Variants in WDR70 observed in about 807,000 individuals in gnomAD.
The protein encoded by WDR70 is WD repeat domain 70, also known as WD repeat-containing protein 70.
Under a neutral mutation model 88.6 loss-of-function variants are expected in WDR70, and 53 were observed. The observed-to-expected ratio is 0.60, with a 90% CI of 0.48 to 0.75. The LOEUF (loss-of-function observed/expected upper bound fraction) is 0.75, where lower values mean the gene tolerates loss of function less well. WDR70 is among the 30% of genes least tolerant of loss of function. The pLI is 0.00. For synonymous variants in WDR70, 280 were observed against 270.0 expected, an observed-to-expected ratio of 1.04 and a Z score of -0.36; for missense variants, 610 against 823.2, an observed-to-expected ratio of 0.74 and a Z score of 3.17.
intron 7 of WDR70, among the ~76,000 whole-genome samples, chr5:37,464,194 A>G (rs1739092519): frequency 6.6e-6 from 1 of 152,206 alleles, no homozygotes; most frequent in African/African-American, 2.4e-5. Flanking sequence ...TGGTTACTGG[A>G]GAAAATTACA....
At chr5:37,658,496 T>C (rs1431966690) in intron 10 of WDR70, among the ~76,000 whole-genome samples, 2 of 152,146 alleles carry the variant, frequency 1.3e-5, no homozygotes, top group Non-Finnish European at 2.9e-5. Flanking sequence ...AGAATATGCG[T>C]TGCCTCTTTC....
intron 10 of WDR70, among the ~76,000 whole-genome samples, chr5:37,674,150 G>T (rs745935129): frequency 5.9e-5 from 9 of 152,010 alleles, no homozygotes; most frequent in Non-Finnish European, 1.3e-4. Flanking sequence ...GGGATTGATG[G>T]GTCAAATGGT....
At chr5:37,495,464 CTT>C (rs1230494360) in intron 8 of WDR70, among the ~76,000 whole-genome samples, 1 of 151,818 alleles carries the variant, frequency 6.6e-6, no homozygotes, top group Non-Finnish European at 1.5e-5. Context: ...CTCTCTCTCT[CTT>C]TCTCTCTCTC....
At chr5:37,675,765 G>A (rs1277317899) in intron 10 of WDR70, among the ~76,000 whole-genome samples, 1 of 152,074 alleles carries the variant, frequency 6.6e-6, no homozygotes, top group Non-Finnish European at 1.5e-5. Flanking sequence ...TTCCAATTCT[G>A]TGAAGAAAGT....
chr5:37,721,236 G>GT (rs769467450), intron 14 of WDR70, 21 bp downstream of exon 14: 369 of 1,603,100 alleles, frequency 2.3e-4, no homozygotes, highest in Non-Finnish European at 3.0e-4. Flanking sequence ...AGTATTGCCT[G>GT]TTTTAGATGG....
At chr5:37,463,510 A>G (rs1339042667) in intron 7 of WDR70, among the ~76,000 whole-genome samples, 2 of 152,132 alleles carry the variant, frequency 1.3e-5, no homozygotes, top group African/African-American at 4.8e-5. Flanking sequence ...ACTTAAAAGG[A>G]TCCTCAATCT....
At chr5:37,541,523 T>G (rs1347837468) in intron 9 of WDR70, among the ~76,000 whole-genome samples, 2 of 152,228 alleles carry the variant, frequency 1.3e-5, no homozygotes, top group Non-Finnish European at 2.9e-5. Context: ...TGTGAAATGT[T>G]TATCTGTGCA....
intron 10 of WDR70, among the ~76,000 whole-genome samples, chr5:37,635,613 C>G (rs1744940114): frequency 6.6e-6 from 1 of 151,798 alleles, no homozygotes; most frequent in Non-Finnish European, 1.5e-5. Context: ...ACAACTGAAT[C>G]TCAGTGAGAA....
At chr5:37,665,221 GTTC>G (rs1745802297) in intron 10 of WDR70, among the ~76,000 whole-genome samples, 1 of 152,068 alleles carries the variant, frequency 6.6e-6, no homozygotes, top group African/African-American at 2.4e-5. Context: ...TACCTCTTCA[GTTC>G]TTCTTTCCAT....
At chr5:37,623,179 T>G (rs1744564090) in intron 10 of WDR70, among the ~76,000 whole-genome samples, 2 of 152,268 alleles carry the variant, frequency 1.3e-5, no homozygotes, top group Middle Eastern at 3.4e-3. Context: ...CACTATGAGA[T>G]TCACTGCTAT....
intron 5 of WDR70, among the ~76,000 whole-genome samples, chr5:37,437,571 A>T (rs938225859): frequency 7.2e-5 from 11 of 152,200 alleles, no homozygotes; most frequent in African/African-American, 2.6e-4. Context: ...ATAAATTTCT[A>T]GTTTTTCTTT....
intron 7 of WDR70, among the ~76,000 whole-genome samples, chr5:37,461,721 G>A (rs1739011577): frequency 6.8e-6 from 1 of 146,020 alleles, no homozygotes; most frequent in African/African-American, 2.4e-5. Context: ...CTGACCTCAT[G>A]ATCTGCCTGC....
intron 9 of WDR70, among the ~76,000 whole-genome samples, chr5:37,528,437 C>G (rs554449084): frequency 6.6e-6 from 1 of 152,092 alleles, no homozygotes; most frequent in East Asian, 1.9e-4. Context: ...AATGAGAACC[C>G]TTGGACACAG....
At chr5:37,572,892 A>T (rs752388714) in intron 9 of WDR70, among the ~76,000 whole-genome samples, 1 of 152,150 alleles carries the variant, frequency 6.6e-6, no homozygotes, top group African/African-American at 2.4e-5. Context: ...TTCCCACATC[A>T]TCTTGCATAA....
chr5:37,465,800 C>CT (rs138421248), intron 7 of WDR70, among the ~76,000 whole-genome samples: 4 of 142,882 alleles, frequency 2.8e-5, no homozygotes, highest in African/African-American at 5.1e-5. Context: ...AATTTCTAAA[C>CT]TTTTTTTTTT....
chr5:37,599,788 G>A (rs1321642293), intron 9 of WDR70, among the ~76,000 whole-genome samples: 1 of 151,996 alleles, frequency 6.6e-6, no homozygotes, highest in East Asian at 1.9e-4. Context: ...AGCTACTCAA[G>A]GGGCTGACAC....
intron 10 of WDR70, among the ~76,000 whole-genome samples, chr5:37,615,425 T>C (rs1440086306): frequency 6.6e-6 from 1 of 152,074 alleles, no homozygotes; most frequent in Non-Finnish European, 1.5e-5. Context: ...GGGAATACAA[T>C]AGGAAACATG....
intron 10 of WDR70, among the ~76,000 whole-genome samples, chr5:37,655,407 C>T (rs1408219613): frequency 7.2e-5 from 11 of 152,034 alleles, no homozygotes; most frequent in East Asian, 3.9e-4. Context: ...GTGAATCTAA[C>T]GATTATGTGT....
At chr5:37,428,386 T>G (rs1750199931) in intron 5 of WDR70, among the ~76,000 whole-genome samples, 1 of 152,220 alleles carries the variant, frequency 6.6e-6, no homozygotes, top group South Asian at 2.1e-4. Flanking sequence ...TTAGAACATT[T>G]CCAAAAATGT....
Sources: allele counts gnomAD v4.1 joint callset (sites outside exome capture counted in the v4.1 genomes callset), GRCh38; gene constraint gnomAD v4.1.1; transcripts MANE v1.5; gene names NCBI Gene and HGNC (gene_info 2026-07-23, HGNC 2026-07-21).